The following TIAM1 variants were observed in gnomAD, a reference collection of about 807,000 sequenced individuals.
TIAM1 encodes TIAM Rac1 associated GEF 1, also known as rho guanine nucleotide exchange factor TIAM1.
Under a neutral mutation model 163.5 loss-of-function variants are expected in TIAM1, and 65 were observed. That is an observed-to-expected ratio of 0.40 (90% CI 0.33 to 0.49). The LOEUF (loss-of-function observed/expected upper bound fraction) is 0.49. Among genes scored for constraint, TIAM1 ranks in the 20% least tolerant of loss-of-function variants. The pLI is 0.77. For synonymous variants in TIAM1, 833 were observed against 810.1 expected, an observed-to-expected ratio of 1.03 and a Z score of -0.48; for missense variants, 1,789 against 2,044.7, an observed-to-expected ratio of 0.87 and a Z score of 2.41.
chr21:31,503,612 A>AGGGGAGAGGAGTGGAGGGGAG (rs1390876774), intron 1 of TIAM1, among the ~76,000 whole-genome samples: 1 of 2,064 alleles, frequency 4.8e-4, no homozygotes, highest in Non-Finnish European at 9.6e-4. Flanking sequence ...AGGGGAGGGG[A>AGGGGAGAGGAGTGGAGGGGAG]GGGACCTGAA....
At chr21:31,329,483 A>C (rs1271828927) in intron 2 of TIAM1, among the ~76,000 whole-genome samples, 1 of 152,250 alleles carries the variant, frequency 6.6e-6, no homozygotes, top group African/African-American at 2.4e-5. Flanking sequence ...CCCAGGTCAC[A>C]GTACATTCAA....
At chr21:31,162,194 T>A (rs73899667) in intron 16 of TIAM1, among the ~76,000 whole-genome samples, 3,380 of 152,272 alleles carry the variant, frequency 0.022, 126 homozygotes, top group African/African-American at 0.077. Context: ...TCGCTTAACC[T>A]CTCTGTTCCA....
At chr21:31,473,271 A>T (rs184813789) in intron 1 of TIAM1, among the ~76,000 whole-genome samples, 134 of 152,148 alleles carry the variant, frequency 8.8e-4, no homozygotes, top group African/African-American at 3.1e-3. Flanking sequence ...CTACTAAAAA[A>T]TACAAAAAAT....
intron 2 of TIAM1, among the ~76,000 whole-genome samples, chr21:31,387,499 C>T (rs927383753): frequency 1.3e-5 from 2 of 151,840 alleles, no homozygotes; most frequent in East Asian, 2.0e-4. Flanking sequence ...AGGCATGAGC[C>T]ACCGAGCCTG....
chr21:31,389,673 G>C (rs191969775), intron 2 of TIAM1, among the ~76,000 whole-genome samples: 151 of 152,330 alleles, frequency 9.9e-4, no homozygotes, highest in Middle Eastern at 6.8e-3. Flanking sequence ...GACAATCAAA[G>C]TCCCATGCGT....
Position 31,142,208 on chromosome 21 carries a change from CCCCTGAGCTGTTGG to C in TIAM1, c.3476-718_3476-705del, listed in dbSNP as rs547192944. 5.5e-3 allele frequency among the ~76,000 whole-genome samples: 835 copies of C among 152,214 alleles called. 3 individuals carry two copies. The highest frequency in any genetic ancestry group is 0.01 in the Middle Eastern group (3 of 294). ...GAGTGACAAACTAATAATCATCCGTCCCCTGAGCTGTTGGCCCTGTCATCCCAAAATAATGATAA... is the reference window on the plus strand; with the variant it reads ...GAGTGACAAACTAATAATCATCCGTCCCCTGTCATCCCAAAATAATGATAA... On this transcript the variant is annotated intron_variant, in intron 20 of 27. Transcript: ENST00000541036.
chr21:31,125,315 T>C (rs1172095232), intron 26 of TIAM1, among the ~76,000 whole-genome samples: 1 of 152,074 alleles, frequency 6.6e-6, no homozygotes, highest in Non-Finnish European at 1.5e-5. Flanking sequence ...TGGTATTCCC[T>C]ATTAACAATA....
chr21:31,507,776 G>A (rs778049353), intron 1 of TIAM1, among the ~76,000 whole-genome samples: 1 of 152,138 alleles, frequency 6.6e-6, no homozygotes, highest in Admixed American at 6.5e-5. Flanking sequence ...GCAGGCAGCA[G>A]TAACTCTGCC....
At chr21:31,362,446 A>ATTATTG (rs2076422974) in intron 2 of TIAM1, among the ~76,000 whole-genome samples, 1 of 18,104 alleles carries the variant, frequency 5.5e-5, no homozygotes, top group African/African-American at 3.9e-4. Context: ...TGCAGTGACA[A>ATTATTG]TTATTATTAT....
chr21:31,349,656 A>G (rs991425558), intron 2 of TIAM1, among the ~76,000 whole-genome samples: 2 of 152,238 alleles, frequency 1.3e-5, no homozygotes, highest in Non-Finnish European at 2.9e-5. Flanking sequence ...CATTTCTTCA[A>G]AGAATGCCAG....
At chr21:31,295,237 A>C (rs143372891) in intron 2 of TIAM1, among the ~76,000 whole-genome samples, 5 of 152,084 alleles carry the variant, frequency 3.3e-5, no homozygotes, top group South Asian at 2.1e-4. Flanking sequence ...TTGGGAGGCC[A>C]AGGCGGGCGG....
At chr21:31,132,740 G>A (rs911223174) in intron 23 of TIAM1, among the ~76,000 whole-genome samples, 2 of 152,096 alleles carry the variant, frequency 1.3e-5, no homozygotes, top group Non-Finnish European at 2.9e-5. Flanking sequence ...CGGAGCTAGT[G>A]TTACTCAAGT....
intron 1 of TIAM1, among the ~76,000 whole-genome samples, chr21:31,496,353 G>A (rs1447167661): frequency 1.7e-5 from 2 of 117,834 alleles, no homozygotes; most frequent in African/African-American, 6.5e-5. Context: ...AGCTGAGTGT[G>A]ATGGCATGCA....
chr21:31,120,568 C>T lies in TIAM1; in HGVS notation c.4576G>A (p.Glu1526Lys), dbSNP rs1428868190. The T allele has an allele frequency of 2.5e-6, 4 of 1,614,092 alleles. No individual in the cohort carries two copies. Among genetic ancestry groups the T allele is most frequent in the Non-Finnish European group, 3.4e-6 (4 of 1,180,054 alleles). The change falls in exon 28 of 28, where the codon GAG becomes AAG. Residue 1526 changes from glutamate (E) to lysine (K), a missense_variant. Glu to Lys is a moderately conservative substitution (Grantham distance 56). This residue lies in a region of TIAM1 where 415 missense variants were observed against 439.2 expected (regional missense o/e 0.94). Coordinates refer to ENST00000541036, the MANE Select transcript of TIAM1 (RefSeq NM_001353694.2). The surrounding 1 kb of genome is among the most constrained non-coding windows in gnomAD (Gnocchi z 4.2). ...CTGATGGAGGTGGCCTGAAGCCGCTCCTGCAGGTCTCTGTCCACTGAGGCA... is the reference window on the plus strand; with the variant it reads ...CTGATGGAGGTGGCCTGAAGCCGCTTCTGCAGGTCTCTGTCCACTGAGGCA... ...KGASVDRDLQ[E>K]RLQATSISQR... is the part of the protein sequence containing the mutation.
intron 6 of TIAM1, among the ~76,000 whole-genome samples, chr21:31,234,926 GA>G (rs2088661759): frequency 6.6e-6 from 1 of 152,242 alleles, no homozygotes; most frequent in Admixed American, 6.5e-5. Flanking sequence ...AACATAATCA[GA>G]AAATAATTAA....
At chr21:31,394,968 T>A (rs573348903) in intron 2 of TIAM1, among the ~76,000 whole-genome samples, 10 of 152,206 alleles carry the variant, frequency 6.6e-5, no homozygotes, top group Non-Finnish European at 1.5e-4. Context: ...CCAGGCATGA[T>A]GGCTCATACC....
chr21:31,211,521 A>C (rs1483458808), intron 10 of TIAM1, among the ~76,000 whole-genome samples: 1 of 152,236 alleles, frequency 6.6e-6, no homozygotes, highest in African/African-American at 2.4e-5. Flanking sequence ...CAAATTTCCC[A>C]ATGAAGGCTG....
intron 2 of TIAM1, among the ~76,000 whole-genome samples, chr21:31,462,329 C>T (rs1403976034): frequency 6.6e-6 from 1 of 152,156 alleles, no homozygotes; most frequent in African/African-American, 2.4e-5. Flanking sequence ...TTCTAGTTCT[C>T]AGGGTGCTAG....
intron 6 of TIAM1, among the ~76,000 whole-genome samples, chr21:31,226,956 T>G (rs978691373): frequency 5.3e-5 from 7 of 132,906 alleles, no homozygotes; most frequent in Admixed American, 4.3e-4. Context: ...TTCTGTGTTT[T>G]TTTTTTTTTT....
Sources: gnomAD v4.1 joint callset for allele counts (sites outside exome capture counted in the v4.1 genomes callset) on GRCh38, gnomAD v4.1.1 for gene constraint, gnomAD v4.1.1 regional missense constraint, Gnocchi (gnomAD v3.1) non-coding constraint, MANE v1.5 for transcripts, NCBI Gene and HGNC (gene_info 2026-07-23, HGNC 2026-07-21) for gene names.